Variants in ANGEL1 observed in about 807,000 individuals in gnomAD.
The protein encoded by ANGEL1 is angel homolog 1.
ANGEL1 carries 62 observed loss-of-function variants against 76.4 expected under a neutral mutation model. The ratio of observed to expected loss-of-function variants is 0.81; its 90% confidence interval spans 0.66 to 1.00. ANGEL1 has a LOEUF of 1.00. ANGEL1 is among the 50% of genes least tolerant of loss of function. The pLI is 0.00. For synonymous variants in ANGEL1, 340 were observed against 331.7 expected (o/e 1.03, Z -0.27); for missense variants, 737 against 836.7 (o/e 0.88, Z 1.47).
chr14:76,811,769 C>T (rs1895093864), intron 1 of ANGEL1, among the ~76,000 whole-genome samples: 1 of 152,158 alleles, frequency 6.6e-6, no homozygotes, highest in Admixed American at 6.5e-5. Flanking sequence ...TGTGTTAACA[C>T]CAGAGATACA....
chr14:76,806,138 T>TA (rs1300761498), intron 5 of ANGEL1, among the ~76,000 whole-genome samples: 1 of 152,198 alleles, frequency 6.6e-6, no homozygotes, highest in Non-Finnish European at 1.5e-5. Flanking sequence ...GCCTGTGTCT[T>TA]ACTGTATAAT....
chr14:76,809,717 G>A (rs1161027571), intron 1 of ANGEL1, 74 bp from the exon 2 acceptor site: 5 of 1,345,708 alleles, frequency 3.7e-6, no homozygotes, highest in Admixed American at 2.1e-5. Flanking sequence ...TAAAACATAA[G>A]CCCAATAAAA....
At chr14:76,811,530 G>T (rs1895084312) in intron 1 of ANGEL1, among the ~76,000 whole-genome samples, 1 of 136,884 alleles carries the variant, frequency 7.3e-6, no homozygotes, top group South Asian at 2.6e-4. Context: ...GGGGGGCGGG[G>T]GGGGCCCTCC....
At chr14:76,797,988 G>A (rs1270357061) in intron 7 of ANGEL1, among the ~76,000 whole-genome samples, 1 of 152,198 alleles carries the variant, frequency 6.6e-6, no homozygotes, top group East Asian at 1.9e-4. Flanking sequence ...GGTCACAAGT[G>A]TGGAGTCCTC....
chr14:76,790,747 G>T lies in ANGEL1; in HGVS notation c.1716C>A (p.Leu572=). The T allele has an allele frequency of 6.2e-7, 1 of 1,614,016 alleles. No homozygotes were observed. Among genetic ancestry groups the T allele is most frequent in the Non-Finnish European group, 8.5e-7 (1 of 1,179,934 alleles). ...AGTGGGTATATACTGACGTCAGGTG[G>T]AGGCAGTGCTGGATGGTACCTACAG... ...SRTVGTIQHC[L]HLTSVYTHFL... The change falls in exon 9 of 10, where the codon CTC becomes CTA. Residue 572 remains leucine, a synonymous_variant. Transcript: ENST00000251089.
Position 76,803,919 on chromosome 14 carries a change from G to A in ANGEL1, c.1381-7C>T. The stretch of plus-strand genomic sequence containing the variant: ...AGTCTTCCTGTCCAGATACCTGGGT[G>A]GAAAAAGAAGGGTGGGAATAAGGAA... On this transcript the variant is annotated splice_polypyrimidine_tract_variant and splice_region_variant and intron_variant, in intron 5 of 9. Coordinates refer to ENST00000251089, the MANE Select transcript of ANGEL1 (RefSeq NM_015305.4). The A allele has an allele frequency of 1.2e-6, 2 of 1,614,142 alleles. No homozygotes were observed. Among genetic ancestry groups the A allele is most frequent in the Non-Finnish European group, 1.7e-6 (2 of 1,180,024 alleles).
rs749742053 is a variant in ANGEL1 at position 76,806,568 on chromosome 14, G to A, written c.1228C>T (p.Leu410Phe). Residue 410 changes from leucine to phenylalanine, a missense_variant, in exon 5 of 10, where the codon CTC becomes TTC. Transcript: ENST00000251089. ...GDVKLAQMAI[L>F]LAEVDKVARL... The stretch of plus-strand genomic sequence containing the variant: ...GCCACCTTGTCCACTTCCGCCAGGA[G>A]AATGGCCATCTGGGCCAGCTTGACA... 9 of 1,614,224 alleles carry A rather than the reference G, an allele frequency of 5.6e-6. No individual in the cohort carries two copies. The highest frequency in any genetic ancestry group is 1.7e-5 in the Admixed American group (1 of 60,026).
Position 76,809,360 on chromosome 14 carries a change from G to A in ANGEL1, c.348C>T (p.Asp116=), listed in dbSNP as rs750651925. 8 of 1,614,236 alleles carry A rather than the reference G, an allele frequency of 5.0e-6. No individual in the cohort carries two copies. Among genetic ancestry groups the A allele is most frequent in the Non-Finnish European group, 5.9e-6 (7 of 1,180,042 alleles). ...CATCCAGGTTCTCTGCAGCCCGAAGGTCACTCAGCTGCCTGCTGGACCACC... is the reference window on the plus strand; with the variant it reads ...CATCCAGGTTCTCTGCAGCCCGAAGATCACTCAGCTGCCTGCTGGACCACC... ...EDRWSSRQLS[D]LRAAENLDEP... is the part of the protein sequence containing the mutation. Residue 116 remains aspartate, a synonymous_variant, in exon 2 of 10, where the codon GAC becomes GAT. Coordinates refer to ENST00000251089, the MANE Select transcript of ANGEL1 (RefSeq NM_015305.4).
In ANGEL1 at chr14:76,790,789, G is replaced by A. The variant is rs1224817556; in HGVS notation, c.1689-15C>T. The A allele has an allele frequency of 1.9e-6, 3 of 1,564,400 alleles. No individual in the cohort carries two copies. Among genetic ancestry groups the A allele is most frequent in the African/African-American group, 2.7e-5 (2 of 72,878 alleles). On this transcript the variant is annotated splice_polypyrimidine_tract_variant and intron_variant, in intron 8 of 9. Transcript: ENST00000251089. ...TACCTACAGTCCTACAGGGATGAAG[G>A]GGGAAACATTAGTTAACAAAAATTA...
chr14:76,810,213 G>A (rs1895042919), intron 1 of ANGEL1: 1 of 454,712 alleles, frequency 2.2e-6, no homozygotes, highest in South Asian at 1.6e-5. Context: ...CTTGAGGCCA[G>A]GAGTTAGAGA....
In ANGEL1 at chr14:76,788,993, G is replaced by C. The variant is rs1894319358; in HGVS notation, c.*235C>G. ...GGAGCCCCCCTTCTGCCTCTCCCAG[G>C]GCCACTGAGTGTGTGGCACAGGATT... On this transcript the variant is annotated 3_prime_UTR_variant, in exon 10 of 10. Coordinates refer to ENST00000251089, the MANE Select transcript of ANGEL1 (RefSeq NM_015305.4). 2 of 495,946 alleles carry C rather than the reference G, an allele frequency of 4.0e-6. No homozygotes were observed. Among genetic ancestry groups the C allele is most frequent in the Non-Finnish European group, 7.1e-6 (2 of 282,530 alleles). 30.7% of individuals were successfully genotyped at this position (495,946 alleles called of 1,614,324 possible). A position where few individuals can be genotyped will look rare whatever the true frequency, so the allele number is the denominator to read the frequency against.
chr14:76,789,601 C>A (rs557838334), intron 9 of ANGEL1, among the ~76,000 whole-genome samples: 2 of 152,136 alleles, frequency 1.3e-5, no homozygotes, highest in African/African-American at 4.8e-5. Context: ...AGGTGAGTTC[C>A]GGGGAACTGG....
intron 7 of ANGEL1, among the ~76,000 whole-genome samples, chr14:76,798,561 C>G (rs1213004541): frequency 6.6e-6 from 1 of 152,048 alleles, no homozygotes; most frequent in African/African-American, 2.4e-5. Context: ...CTTTAAGAAC[C>G]ATACTGGAAA....
intron 5 of ANGEL1, chr14:76,804,234 T>C: frequency 7.2e-7 from 1 of 1,390,636 alleles, no homozygotes; most frequent in Non-Finnish European, 9.3e-7. Flanking sequence ...ACAGGGAATA[T>C]CAACTCTCAG....
intron 7 of ANGEL1, among the ~76,000 whole-genome samples, chr14:76,793,557 G>GTTTTTTTTTTTTTTTTTTTTT (rs113463837): frequency 7.6e-6 from 1 of 131,868 alleles, no homozygotes; most frequent in Non-Finnish European, 1.6e-5. Context: ...GGTTTTTTTG[G>GTTTTTTTTTTTTTTTTTTTTT]TTTTTTTTTT....
At chr14:76,807,284 T>G (rs1894946452) in intron 4 of ANGEL1, 149 bp downstream of exon 4, 1 of 740,422 alleles carries the variant, frequency 1.4e-6, no homozygotes, top group Non-Finnish European at 2.2e-6. Context: ...AACTGCAGAA[T>G]TCTACTTTCT....
At chr14:76,796,570 A>G (rs1189426484) in intron 7 of ANGEL1, among the ~76,000 whole-genome samples, 3 of 151,804 alleles carry the variant, frequency 2.0e-5, no homozygotes, top group Non-Finnish European at 2.9e-5. Flanking sequence ...CTTTTAACTT[A>G]TATGTTTATT....
chr14:76,807,614 C>T, intron 3 of ANGEL1, 112 bp from the exon 4 acceptor site: 1 of 993,476 alleles, frequency 1.0e-6, no homozygotes, highest in African/African-American at 1.6e-5. Flanking sequence ...ACTGAAACTT[C>T]CCAGAGTCAC....
intron 7 of ANGEL1, among the ~76,000 whole-genome samples, chr14:76,792,661 C>T (rs545744916): frequency 6.6e-6 from 1 of 152,046 alleles, no homozygotes; most frequent in East Asian, 1.9e-4. Flanking sequence ...TCTAAACAGA[C>T]AGAAGAAAAA....
Sources: allele counts gnomAD v4.1 joint callset (sites outside exome capture counted in the v4.1 genomes callset), GRCh38; gene constraint gnomAD v4.1.1; transcripts MANE v1.5; gene names NCBI Gene and HGNC (gene_info 2026-07-23, HGNC 2026-07-21).